HYCC1: variants seen among roughly 807,000 people sequenced by gnomAD.
HYCC1 encodes hyccin PI4KA lipid kinase complex subunit 1, also known as hyccin.
chr7:22,959,973 A>G, the HYCC1 span, among the ~76,000 whole-genome samples: 1 of 152,242 alleles, frequency 6.6e-6, no homozygotes. Context: ...CCCAAAATGT[A>G]TGAGTAATTT....
At chr7:22,989,869 T>A in the HYCC1 span, among the ~76,000 whole-genome samples, 1 of 152,202 alleles carries the variant, frequency 6.6e-6, no homozygotes, top group Non-Finnish European at 1.5e-5. Flanking sequence ...AAATACACAC[T>A]GCAACTGAAA....
the HYCC1 span, among the ~76,000 whole-genome samples, chr7:22,987,724 C>A: frequency 6.6e-6 from 1 of 151,498 alleles, no homozygotes; most frequent in South Asian, 2.1e-4. Context: ...CTTCATAAAC[C>A]ACTTACAGTA....
chr7:22,960,385 G>A, the HYCC1 span: 4 of 1,613,428 alleles, frequency 2.5e-6, no homozygotes, highest in Non-Finnish European at 3.4e-6. Flanking sequence ...ATGGGACCAT[G>A]AGGCAATGAA....
At chr7:22,901,444 T>C in the HYCC1 span, among the ~76,000 whole-genome samples, 2 of 152,032 alleles carry the variant, frequency 1.3e-5, no homozygotes, top group African/African-American at 4.8e-5. Flanking sequence ...AAGACGAAGA[T>C]TGGCAGAGTG....
the HYCC1 span, among the ~76,000 whole-genome samples, chr7:22,909,609 T>C: frequency 6.6e-6 from 1 of 152,218 alleles, no homozygotes; most frequent in Non-Finnish European, 1.5e-5. Flanking sequence ...TAGCGGGTTA[T>C]TAACCCTAAA....
chr7:22,990,988 A>C, the HYCC1 span: 1 of 1,023,420 alleles, frequency 9.8e-7, no homozygotes, highest in Non-Finnish European at 1.5e-6. Context: ...TAAAATACAA[A>C]AATCACTGGA....
the HYCC1 span, among the ~76,000 whole-genome samples, chr7:22,985,255 TGCATAAATTAAACA>T: frequency 6.6e-6 from 1 of 152,312 alleles, no homozygotes; most frequent in Non-Finnish European, 1.5e-5. Context: ...GGTGGATGTG[TGCATAAATTAAACA>T]GCATAAATTT....
At chr7:22,945,602 A>T in the HYCC1 span, 1 of 1,607,058 alleles carries the variant, frequency 6.2e-7, no homozygotes, top group South Asian at 1.1e-5. Context: ...ATCTGTGGAC[A>T]GAGTAATGCT....
the HYCC1 span, chr7:22,978,509 T>A: frequency 1.5e-6 from 2 of 1,358,248 alleles, no homozygotes; most frequent in African/African-American, 2.9e-5. Context: ...AACTACTATA[T>A]GAAGTATAAA....
the HYCC1 span, among the ~76,000 whole-genome samples, chr7:23,009,580 G>A: frequency 1.3e-5 from 2 of 152,006 alleles, no homozygotes; most frequent in Non-Finnish European, 2.9e-5. Flanking sequence ...CAAGGCTGAG[G>A]AACAAGCCCT....
the HYCC1 span, among the ~76,000 whole-genome samples, chr7:22,983,245 C>T: frequency 6.6e-6 from 1 of 151,220 alleles, no homozygotes; most frequent in South Asian, 2.1e-4. Context: ...GGGAGGATCG[C>T]TTGAACCTGG....
At chr7:23,009,443 A>C in the HYCC1 span, among the ~76,000 whole-genome samples, 55 of 152,260 alleles carry the variant, frequency 3.6e-4, 1 homozygote, top group East Asian at 9.5e-3. Context: ...AATGAAAGAA[A>C]TTTTCAGAAC....
chr7:22,981,875 A>AT, the HYCC1 span, among the ~76,000 whole-genome samples: 1 of 152,124 alleles, frequency 6.6e-6, no homozygotes, highest in African/African-American at 2.4e-5. Flanking sequence ...ACAGATGATA[A>AT]TTTTTTTAAA....
the HYCC1 span, among the ~76,000 whole-genome samples, chr7:22,948,294 T>G: frequency 6.6e-6 from 1 of 152,044 alleles, no homozygotes; most frequent in African/African-American, 2.4e-5. Flanking sequence ...AATACTTTCG[T>G]GATAGGATTA....
At chr7:23,008,402 A>C in the HYCC1 span, among the ~76,000 whole-genome samples, 2 of 152,146 alleles carry the variant, frequency 1.3e-5, no homozygotes, top group East Asian at 3.9e-4. Context: ...ACTCAAAACT[A>C]CATCTTTGAG....
chr7:22,941,667 C>T, the HYCC1 span: 2 of 152,128 alleles, frequency 1.3e-5, no homozygotes, highest in Non-Finnish European at 2.9e-5. Context: ...CCAAAATGTT[C>T]GTTGTTAGTT....
At chr7:22,999,758 T>C in the HYCC1 span, among the ~76,000 whole-genome samples, 2 of 152,156 alleles carry the variant, frequency 1.3e-5, no homozygotes, top group African/African-American at 2.4e-5. Context: ...ATGCAAAGTG[T>C]TTCTATTAGT....
At chr7:22,903,351 G>A in the HYCC1 span, among the ~76,000 whole-genome samples, 1 of 151,498 alleles carries the variant, frequency 6.6e-6, no homozygotes, top group African/African-American at 2.4e-5. Flanking sequence ...GAAAAAAAAA[G>A]AGACTCCAAA....
At chr7:22,967,572 G>T in the HYCC1 span, among the ~76,000 whole-genome samples, 2 of 152,160 alleles carry the variant, frequency 1.3e-5, no homozygotes, top group African/African-American at 4.8e-5. Context: ...TTAAGCAAAG[G>T]AGTACCAAAA....
Sources: allele counts gnomAD v4.1 joint callset (sites outside exome capture counted in the v4.1 genomes callset), GRCh38; gene constraint gnomAD v4.1.1; transcripts MANE v1.5; gene names NCBI Gene and HGNC (gene_info 2026-07-23, HGNC 2026-07-21).